DLG2: variants seen among roughly 807,000 people sequenced by gnomAD.
DLG2 encodes discs large MAGUK scaffold protein 2.
In DLG2, 45 loss-of-function variants were observed where a neutral mutation model predicts 132.5. That is an observed-to-expected ratio of 0.34 (90% CI 0.27 to 0.44). DLG2 has a LOEUF of 0.44. DLG2 is among the 20% of genes least tolerant of loss of function. The pLI is 1.00. For synonymous variants in DLG2, 424 were observed against 419.6 expected, an observed-to-expected ratio of 1.01 and a Z score of -0.13; for missense variants, 1,045 against 1,196.9, an observed-to-expected ratio of 0.87 and a Z score of 1.87.
intron 18 of DLG2, among the ~76,000 whole-genome samples, chr11:83,774,690 G>A (rs1437179738): frequency 1.3e-5 from 2 of 152,140 alleles, no homozygotes; most frequent in Non-Finnish European, 2.9e-5. Context: ...TGGTGCAAAG[G>A]GCTGATTAGA....
At chr11:83,698,498 C>T (rs1385337518) in intron 18 of DLG2, among the ~76,000 whole-genome samples, 2 of 152,106 alleles carry the variant, frequency 1.3e-5, no homozygotes, top group Non-Finnish European at 2.9e-5. Flanking sequence ...TGGGTTTCTT[C>T]TGAATTCTAT....
At chr11:84,421,210 G>C (rs1385155345) in intron 7 of DLG2, among the ~76,000 whole-genome samples, 3 of 152,144 alleles carry the variant, frequency 2.0e-5, no homozygotes, top group African/African-American at 7.2e-5. Flanking sequence ...CTTGATGTCA[G>C]ACTTTCCAGT....
intron 6 of DLG2, among the ~76,000 whole-genome samples, chr11:84,796,152 C>A (rs961465836): frequency 3.3e-5 from 5 of 152,154 alleles, no homozygotes; most frequent in Admixed American, 2.6e-4. Flanking sequence ...CAGATGGATA[C>A]CCTATTCTCC....
At chr11:83,929,107 A>G (rs913215253) in intron 15 of DLG2, among the ~76,000 whole-genome samples, 1 of 152,194 alleles carries the variant, frequency 6.6e-6, no homozygotes, top group East Asian at 1.9e-4. Context: ...GCTGATTTAC[A>G]TAGTCAAAAA....
At chr11:85,224,037 C>T (rs1425169199) in intron 4 of DLG2, among the ~76,000 whole-genome samples, 1 of 152,124 alleles carries the variant, frequency 6.6e-6, no homozygotes, top group Non-Finnish European at 1.5e-5. Context: ...GTTTTTACAT[C>T]TTCAAAGTGG....
At chr11:84,473,240 G>T (rs1183716588) in intron 7 of DLG2, among the ~76,000 whole-genome samples, 3 of 151,994 alleles carry the variant, frequency 2.0e-5, no homozygotes, top group African/African-American at 7.2e-5. Flanking sequence ...ATGTGGCTCT[G>T]GTGAATCCTT....
intron 6 of DLG2, among the ~76,000 whole-genome samples, chr11:84,842,841 T>C (rs1460133628): frequency 1.3e-5 from 2 of 151,868 alleles, no homozygotes; most frequent in Non-Finnish European, 2.9e-5. Context: ...TATGTGTGTA[T>C]ACAGACTCTT....
chr11:85,249,370 A>T (rs1455355243), intron 4 of DLG2, among the ~76,000 whole-genome samples: 1 of 151,938 alleles, frequency 6.6e-6, no homozygotes, highest in African/African-American at 2.4e-5. Flanking sequence ...ATAATGTTAT[A>T]ATTTTAGCCT....
At chr11:83,882,770 G>A (rs1190266546) in intron 15 of DLG2, among the ~76,000 whole-genome samples, 1 of 152,184 alleles carries the variant, frequency 6.6e-6, no homozygotes, top group Non-Finnish European at 1.5e-5. Context: ...TGGATGTGCA[G>A]GGTAGGAAAA....
At chr11:84,207,559 C>A (rs920441049) in intron 8 of DLG2, among the ~76,000 whole-genome samples, 7 of 152,056 alleles carry the variant, frequency 4.6e-5, no homozygotes, top group Non-Finnish European at 8.8e-5. Flanking sequence ...TCTTTTTGAC[C>A]AATGGTGCTG....
At chr11:84,252,610 G>T (rs1216622692) in intron 7 of DLG2, among the ~76,000 whole-genome samples, 2 of 152,226 alleles carry the variant, frequency 1.3e-5, no homozygotes, top group Admixed American at 1.3e-4. Context: ...GTGTAAAACT[G>T]ATACAGGAGT....
chr11:84,181,782 A>C (rs1218528429), intron 8 of DLG2, among the ~76,000 whole-genome samples: 1 of 152,254 alleles, frequency 6.6e-6, no homozygotes, highest in East Asian at 1.9e-4. Flanking sequence ...TCAGAGATAA[A>C]TAGAGGCATT....
At chr11:84,562,252 C>G (rs1193736134) in intron 6 of DLG2, among the ~76,000 whole-genome samples, 1 of 151,980 alleles carries the variant, frequency 6.6e-6, no homozygotes. Context: ...TTACTAACTC[C>G]CAGGATAAAG....
rs570056395 is a variant in DLG2 at position 85,405,982 on chromosome 11, G to A, written c.41-120617C>T. The stretch of plus-strand genomic sequence containing the variant: ...CCAAAAGTGTTTCACTTTCATGGAG[G>A]AAAAAACTAAGCTAGATATACTCAT... On this transcript the variant is annotated intron_variant, in intron 3 of 27. Coordinates refer to ENST00000376104, the MANE Select transcript of DLG2 (RefSeq NM_001142699.3). Among the ~76,000 whole-genome samples, 8 of 151,954 alleles carry A rather than the reference G, an allele frequency of 5.3e-5. No homozygotes were observed. In the South Asian group the frequency reaches 1.7e-3, roughly 31 times the overall value.
At chr11:84,673,261 A>G (rs2099707852) in intron 6 of DLG2, among the ~76,000 whole-genome samples, 1 of 152,114 alleles carries the variant, frequency 6.6e-6, no homozygotes, top group African/African-American at 2.4e-5. Context: ...TATTTTACAT[A>G]AGAGAGAAAT....
intron 9 of DLG2, among the ~76,000 whole-genome samples, chr11:84,113,134 A>T (rs1321283225): frequency 1.3e-5 from 2 of 152,110 alleles, no homozygotes; most frequent in African/African-American, 4.8e-5. Flanking sequence ...AGAGTTCTTC[A>T]CTCCCATACA....
At chr11:83,833,526 G>T (rs931421322) in intron 17 of DLG2, 88 bp downstream of exon 17, 17 of 1,361,464 alleles carry the variant, frequency 1.2e-5, no homozygotes, top group Non-Finnish European at 1.6e-5. Flanking sequence ...TGTAATTAAG[G>T]TGCTTTTGGT....
At chr11:84,532,117 ATTTTTTT>A (rs67139617) in intron 7 of DLG2, among the ~76,000 whole-genome samples, 11 of 104,594 alleles carry the variant, frequency 1.1e-4, no homozygotes, top group East Asian at 3.1e-4. Context: ...TGTTCTGTTC[ATTTTTTT>A]TTTTTTTTTT....
chr11:84,226,126 GATAGTTT>G (rs1482778605), intron 8 of DLG2, among the ~76,000 whole-genome samples: 1 of 152,002 alleles, frequency 6.6e-6, no homozygotes, highest in Non-Finnish European at 1.5e-5. Flanking sequence ...ATTTTCTTTG[GATAGTTT>G]ATTGTTTATC....
Sources: gnomAD v4.1 joint callset for allele counts (sites outside exome capture counted in the v4.1 genomes callset) on GRCh38, gnomAD v4.1.1 for gene constraint, MANE v1.5 for transcripts, NCBI Gene and HGNC (gene_info 2026-07-23, HGNC 2026-07-21) for gene names.